The following HMGCS1 variants were observed in gnomAD, a reference collection of about 807,000 sequenced individuals.
HMGCS1 encodes hydroxymethylglutaryl-CoA synthase, cytoplasmic.
Under a neutral mutation model 52.3 loss-of-function variants are expected in HMGCS1, and 9 were observed. The observed-to-expected ratio is 0.17, with a 90% CI of 0.10 to 0.30. The LOEUF is 0.30. Among genes scored for constraint, HMGCS1 ranks in the 10% least tolerant of loss-of-function variants. HMGCS1 has a pLI of 1.00. For missense variants in HMGCS1, 320 were observed against 620.9 expected (o/e 0.52, Z 5.15); for synonymous variants, 176 against 214.4 (o/e 0.82, Z 1.57).
chr5:43,298,248 A>T lies in HMGCS1; in HGVS notation c.449-114T>A. On this transcript the variant is annotated intron_variant, in intron 3 of 10. Coordinates refer to ENST00000325110, the MANE Select transcript of HMGCS1 (RefSeq NM_001098272.3). This position sits in a 1 kb window ranked among gnomAD's most constrained non-coding sequence, Gnocchi z 5.6. ...TATGCTTTTCCCTTCTTTGATAAAG[A>T]AAGAAAATGCTCTAATTTTTTTTTA... 1 of 987,206 alleles carries T rather than the reference A, an allele frequency of 1.0e-6. No homozygotes were observed. Among genetic ancestry groups the T allele is most frequent in the Non-Finnish European group, 1.5e-6 (1 of 680,646 alleles). The allele number at this position is 987,206 out of a possible 1,614,324, so 61.2% of individuals were successfully genotyped here.
At chr5:43,308,701 A>G (rs1189456255) in intron 1 of HMGCS1, among the ~76,000 whole-genome samples, 1 of 152,238 alleles carries the variant, frequency 6.6e-6, no homozygotes, top group Non-Finnish European at 1.5e-5. Context: ...AACACAGCAT[A>G]CACCATTTCC....
In HMGCS1 at chr5:43,298,064, T is replaced by A. The variant is rs373118595; in HGVS notation, c.519A>T (p.Gly173=). The A allele has an allele frequency of 8.7e-6, 14 of 1,613,524 alleles. No individual in the cohort carries two copies. The highest frequency in any genetic ancestry group is 3.3e-4 in the Middle Eastern group (2 of 6,084). ...YATGNARPTG[G]VGAVALLIGP... ...CAATTAGCAGAGCTACTGCTCCAAC[T>A]CCACCTGTAGGTCTAGCATTTCCTG... The change falls in exon 4 of 11, where the codon GGA becomes GGT. Residue 173 remains glycine, a synonymous_variant. Transcript: ENST00000325110. The surrounding 1 kb of genome is among the most constrained non-coding windows in gnomAD (Gnocchi z 5.6).
chr5:43,304,753 A>G (rs1754480094), intron 2 of HMGCS1, among the ~76,000 whole-genome samples: 1 of 152,232 alleles, frequency 6.6e-6, no homozygotes. Context: ...ACTTTGATGG[A>G]AAAAAACATT....
intron 1 of HMGCS1, among the ~76,000 whole-genome samples, chr5:43,312,210 G>A (rs537154442): frequency 6.6e-6 from 1 of 152,298 alleles, no homozygotes; most frequent in South Asian, 2.1e-4. Context: ...ACTTCCATTT[G>A]TCTTAATTTT....
In HMGCS1 at chr5:43,294,329, CT is replaced by C. The variant is rs1753928224; in HGVS notation, c.1077-168del. Reference sequence around the variant, plus strand: ...GTTAATATTGCAGTAGGGAATATAACTTAGTTTTAATATTGCAGCATGTGAG... The same window carrying C: ...GTTAATATTGCAGTAGGGAATATAACTAGTTTTAATATTGCAGCATGTGAG... On this transcript the variant is annotated intron_variant, in intron 7 of 10. Coordinates refer to ENST00000325110, the MANE Select transcript of HMGCS1 (RefSeq NM_001098272.3). The C allele has an allele frequency of 5.3e-6, 3 of 564,774 alleles. No homozygotes were observed. In the East Asian group the frequency reaches 8.8e-5, roughly 17 times the overall value. 35.0% of individuals were successfully genotyped at this position (564,774 alleles called of 1,614,324 possible). A position where few individuals can be genotyped will look rare whatever the true frequency, so the allele number is the denominator to read the frequency against.
In HMGCS1 at chr5:43,288,642, G is replaced by A. The variant is rs1753600494; in HGVS notation, c.*2489C>T. On this transcript the variant is annotated 3_prime_UTR_variant, in exon 11 of 11. Transcript: ENST00000325110. The stretch of plus-strand genomic sequence containing the variant: ...AACACACATTCCATAAAGGAGAGGG[G>A]GAAAGATTGAATTCTTAAAGCCATA... 1 of 151,872 alleles carries A rather than the reference G, an allele frequency of 6.6e-6. No homozygotes were observed. The highest frequency in any genetic ancestry group is 2.1e-4 in the South Asian group (1 of 4,824). The allele number at this position is 151,872 out of a possible 1,614,324, so 9.4% of individuals were successfully genotyped here. A position where few individuals can be genotyped will look rare whatever the true frequency, so the allele number is the denominator to read the frequency against.
chr5:43,294,168 T>C lies in HMGCS1; in HGVS notation c.1077-6A>G, dbSNP rs1753920018. The C allele has an allele frequency of 6.4e-7, 1 of 1,559,526 alleles. No individual in the cohort carries two copies. The highest frequency in any genetic ancestry group is 1.7e-5 in the Admixed American group (1 of 59,942). ...CTAATTGCTGAGGTGAGTACCTATG[T>C]AGGGTGTAACAATAGTTCAGAAGTT... On this transcript the variant is annotated splice_region_variant and splice_polypyrimidine_tract_variant and intron_variant, in intron 7 of 10. Coordinates refer to ENST00000325110, the MANE Select transcript of HMGCS1 (RefSeq NM_001098272.3).
At position 43,293,965 on chromosome 5, in the gene HMGCS1, T is replaced by G. The variant is rs1188186601; in HGVS notation, c.1183+91A>C. ...CCTGACCTCAGGTGATCTGCCCGCCTCGGCCTCCCAAACTGCTGGGATTAC... is the reference window on the plus strand; with the variant it reads ...CCTGACCTCAGGTGATCTGCCCGCCGCGGCCTCCCAAACTGCTGGGATTAC... On this transcript the variant is annotated intron_variant, in intron 8 of 10. Transcript: ENST00000325110. 4 of 813,414 alleles carry G rather than the reference T, an allele frequency of 4.9e-6. No individual in the cohort carries two copies. In the African/African-American group the frequency reaches 6.7e-5, roughly 14 times the overall value. The allele number at this position is 813,414 out of a possible 1,614,324, so 50.4% of individuals were successfully genotyped here. A position where few individuals can be genotyped will look rare whatever the true frequency, so the allele number is the denominator to read the frequency against.
intron 7 of HMGCS1, 200 bp downstream of exon 7, chr5:43,294,491 A>C (rs1753934963): frequency 2.0e-6 from 1 of 500,378 alleles, no homozygotes; most frequent in Non-Finnish European, 3.5e-6. Context: ...GAAAGCCAGT[A>C]TGAAATTAAC....
intron 8 of HMGCS1, among the ~76,000 whole-genome samples, chr5:43,293,374 T>C (rs2111637983): frequency 6.6e-6 from 1 of 152,320 alleles, no homozygotes; most frequent in Middle Eastern, 3.4e-3. Flanking sequence ...ATTATAGGTG[T>C]GAGCCATTGC....
At chr5:43,301,406 T>C (rs1028208715) in intron 2 of HMGCS1, among the ~76,000 whole-genome samples, 7 of 152,188 alleles carry the variant, frequency 4.6e-5, no homozygotes, top group Non-Finnish European at 7.3e-5. Flanking sequence ...CATGGTGATA[T>C]TAGTTGTCAG....
At position 43,297,793 on chromosome 5, in the gene HMGCS1, G is replaced by A. The variant is rs532506093; in HGVS notation, c.574+216C>T. ...GCAGAGGTTGCAGTGAGCCGAGATCGTGCCATTGCACTCCAGCTTGGGCAA... is the reference window on the plus strand; with the variant it reads ...GCAGAGGTTGCAGTGAGCCGAGATCATGCCATTGCACTCCAGCTTGGGCAA... On this transcript the variant is annotated intron_variant, in intron 4 of 10. Transcript: ENST00000325110. Among the ~76,000 whole-genome samples, 4 of 150,396 alleles carry A rather than the reference G, an allele frequency of 2.7e-5. No homozygotes were observed. The South Asian group carries it at 6.3e-4, about 24-fold the overall frequency.
Position 43,290,453 on chromosome 5 carries a change from T to C in HMGCS1, c.*678A>G, listed in dbSNP as rs948532167. 1 of 152,194 alleles carries C rather than the reference T, an allele frequency of 6.6e-6. No homozygotes were observed. The highest frequency in any genetic ancestry group is 2.4e-5 in the African/African-American group (1 of 41,434). The allele number at this position is 152,194 out of a possible 1,614,324, so 9.4% of individuals were successfully genotyped here. A position where few individuals can be genotyped will look rare whatever the true frequency, so the allele number is the denominator to read the frequency against. ...ACCAGAAGCCTCTTCAATGGCAGTG[T>C]TTCTCTGTTCAGAGGTCATTACAAT... On this transcript the variant is annotated 3_prime_UTR_variant, in exon 11 of 11. Transcript: ENST00000325110.
intron 10 of HMGCS1, among the ~76,000 whole-genome samples, chr5:43,291,906 A>G (rs1405379921): frequency 2.6e-5 from 4 of 151,486 alleles, no homozygotes; most frequent in African/African-American, 9.7e-5. Context: ...AAAGACACAC[A>G]CCACAAATGA....
At position 43,289,625 on chromosome 5, in the gene HMGCS1, G is replaced by T. The variant is rs1753646772; in HGVS notation, c.*1506C>A. On this transcript the variant is annotated 3_prime_UTR_variant, in exon 11 of 11. Coordinates refer to ENST00000325110, the MANE Select transcript of HMGCS1 (RefSeq NM_001098272.3). Reference sequence around the variant, plus strand: ...CATTTTGCCACCATTCTTTAAATCAGAACTTACATTATTAATCTACATCAG... The same window carrying T: ...CATTTTGCCACCATTCTTTAAATCATAACTTACATTATTAATCTACATCAG... 6.6e-6 allele frequency: 1 copy of T among 152,486 alleles called. No individual in the cohort carries two copies. Among genetic ancestry groups the T allele is most frequent in the Non-Finnish European group, 1.5e-5 (1 of 68,022 alleles). 9.4% of individuals were successfully genotyped at this position (152,486 alleles called of 1,614,324 possible).
intron 1 of HMGCS1, among the ~76,000 whole-genome samples, chr5:43,308,641 C>T (rs1695213324): frequency 2.0e-5 from 3 of 151,982 alleles, no homozygotes; most frequent in South Asian, 4.2e-4. Context: ...TTCTTCAGTC[C>T]ATCTGTTTTG....
In HMGCS1 at chr5:43,289,179, C is replaced by T. The variant is rs1753623638; in HGVS notation, c.*1952G>A. ...TTCCTCCATTCTAGATGAACAGCTC[C>T]TTAAAGACAAGACCATATATCTTGT... On this transcript the variant is annotated 3_prime_UTR_variant, in exon 11 of 11. Coordinates refer to ENST00000325110, the MANE Select transcript of HMGCS1 (RefSeq NM_001098272.3). 6.6e-6 allele frequency: 1 copy of T among 152,080 alleles called. No homozygotes were observed. The highest frequency in any genetic ancestry group is 1.5e-5 in the Non-Finnish European group (1 of 68,018). 9.4% of individuals were successfully genotyped at this position (152,080 alleles called of 1,614,324 possible).
intron 2 of HMGCS1, among the ~76,000 whole-genome samples, chr5:43,306,499 G>C (rs866704325): frequency 6.6e-6 from 1 of 152,150 alleles, no homozygotes; most frequent in East Asian, 1.9e-4. Flanking sequence ...GCTGCAGGTT[G>C]AGCATTCCTA....
chr5:43,299,946 G>A (rs1271464965), intron 2 of HMGCS1, among the ~76,000 whole-genome samples: 1 of 152,148 alleles, frequency 6.6e-6, no homozygotes, highest in Non-Finnish European at 1.5e-5. Context: ...TGGCTGGGCT[G>A]GAAGAACAAA....
Sources: allele counts gnomAD v4.1 joint callset (sites outside exome capture counted in the v4.1 genomes callset), GRCh38; gene constraint gnomAD v4.1.1; non-coding constraint Gnocchi (gnomAD v3.1); transcripts MANE v1.5; gene names NCBI Gene and HGNC (gene_info 2026-07-23, HGNC 2026-07-21).